IL1RAPL1: variants seen among roughly 807,000 people sequenced by gnomAD.
The protein encoded by IL1RAPL1 is interleukin-1 receptor accessory protein-like 1.
Under a neutral mutation model 48.4 loss-of-function variants are expected in IL1RAPL1, and 3 were observed. The observed-to-expected ratio is 0.06, with a 90% confidence interval of 0.03 to 0.16. The LOEUF (loss-of-function observed/expected upper bound fraction) is 0.16. Ranked by LOEUF, IL1RAPL1 falls within the 10% of genes least tolerant of loss-of-function variation. The pLI, the probability that IL1RAPL1 is intolerant of heterozygous loss-of-function variation, is 1.00. For synonymous variants in IL1RAPL1, 185 were observed against 187.7 expected, an observed-to-expected ratio of 0.99 and a Z score of 0.12; for missense variants, 349 against 530.6, an observed-to-expected ratio of 0.66 and a Z score of 3.36.
At chrX:29,657,129 T>C (rs746741185) in intron 5 of IL1RAPL1, among the ~76,000 whole-genome samples, 1 of 111,755 alleles carries the variant, frequency 8.9e-6, no homozygotes, top group East Asian at 2.8e-4. Context: ...ATGTTAACAA[T>C]AGCTTTCTGT....
chrX:28,650,530 G>A (rs903069076), intron 1 of IL1RAPL1, among the ~76,000 whole-genome samples: 2 of 111,714 alleles, frequency 1.8e-5, no homozygotes, highest in African/African-American at 3.3e-5. Flanking sequence ...CTCCGACAAC[G>A]TGGGAATTCA....
intron 5 of IL1RAPL1, among the ~76,000 whole-genome samples, chrX:29,439,359 A>G (rs1376941408): frequency 8.9e-6 from 1 of 111,741 alleles, no homozygotes; most frequent in African/African-American, 3.2e-5. Context: ...AGCTGGCAGA[A>G]ACTTGGAATA....
intron 2 of IL1RAPL1, among the ~76,000 whole-genome samples, chrX:29,032,553 G>GA (rs1226109701): frequency 2.4e-4 from 26 of 106,721 alleles, no homozygotes; most frequent in East Asian, 5.9e-4. Flanking sequence ...GTCTTTGTGA[G>GA]AAAAAAAAAA....
intron 2 of IL1RAPL1, among the ~76,000 whole-genome samples, chrX:29,220,335 T>A (rs781706808): frequency 8.9e-6 from 1 of 112,840 alleles, no homozygotes; most frequent in South Asian, 3.6e-4. Context: ...GTCTAACATA[T>A]CTAAATAGCT....
chrX:28,630,892 A>G (rs1023108812), intron 1 of IL1RAPL1, among the ~76,000 whole-genome samples: 2 of 112,125 alleles, frequency 1.8e-5, no homozygotes, highest in African/African-American at 6.5e-5. Flanking sequence ...GAAGCCAAAC[A>G]TATTCCCTTT....
intron 6 of IL1RAPL1, among the ~76,000 whole-genome samples, chrX:29,676,290 C>T (rs1276678600): frequency 1.8e-5 from 2 of 112,232 alleles, no homozygotes; most frequent in African/African-American, 6.5e-5. Context: ...GTATTTGAGA[C>T]ATTTGAATGC....
At chrX:29,284,710 A>G (rs932751418) in intron 3 of IL1RAPL1, among the ~76,000 whole-genome samples, 2 of 112,157 alleles carry the variant, frequency 1.8e-5, no homozygotes, top group African/African-American at 6.5e-5. Context: ...ACACCACTGT[A>G]CTCCAGCCTG....
intron 1 of IL1RAPL1, among the ~76,000 whole-genome samples, chrX:28,700,488 C>T (rs778731454): frequency 3.7e-5 from 4 of 109,259 alleles, no homozygotes; most frequent in South Asian, 3.9e-4. Context: ...CTCAAGATTA[C>T]GCAGCTGAGG....
At chrX:29,769,597 C>G (rs1427930780) in intron 6 of IL1RAPL1, among the ~76,000 whole-genome samples, 1 of 97,899 alleles carries the variant, frequency 1.0e-5, no homozygotes, top group Non-Finnish European at 2.0e-5. Context: ...GCGCCCGCCA[C>G]CATGCCTGGC....
chrX:29,229,695 C>T (rs184674416), intron 2 of IL1RAPL1, among the ~76,000 whole-genome samples: 228 of 112,208 alleles, frequency 2.0e-3, no homozygotes, highest in African/African-American at 6.8e-3. Context: ...GTTTATGCCT[C>T]GCATGCAATG....
rs143767726 is a variant in IL1RAPL1, at chrX:29,646,862, T to A, written c.704-21568T>A. On this transcript the variant is annotated intron_variant, in intron 5 of 10. Transcript: ENST00000378993. ...CCAAAAATACCGTACCAAGAAAAGC[T>A]GTCCTTCAGAAATGAAGGAGAGATA... 8.6e-3 allele frequency among the ~76,000 whole-genome samples: 957 copies of A among 111,445 alleles called. 8 individuals are homozygous for A. The highest frequency in any genetic ancestry group is 0.013 in the Non-Finnish European group (682 of 53,092).
intron 6 of IL1RAPL1, among the ~76,000 whole-genome samples, chrX:29,672,430 T>C (rs1926164388): frequency 9.0e-6 from 1 of 111,373 alleles, no homozygotes; most frequent in Admixed American, 9.6e-5. Context: ...AAATCACCTC[T>C]CTCTCCTCTC....
intron 6 of IL1RAPL1, among the ~76,000 whole-genome samples, chrX:29,677,215 C>T (rs1456698186): frequency 8.9e-6 from 1 of 112,037 alleles, no homozygotes; most frequent in Non-Finnish European, 1.9e-5. Context: ...ATAACTAGTG[C>T]TTCAATAAGA....
chrX:29,000,062 G>A (rs1028597967), intron 2 of IL1RAPL1, among the ~76,000 whole-genome samples: 6 of 111,216 alleles, frequency 5.4e-5, no homozygotes, highest in African/African-American at 2.0e-4. Flanking sequence ...CTACAAGATA[G>A]CAGAAATTAG....
intron 3 of IL1RAPL1, among the ~76,000 whole-genome samples, chrX:29,314,841 T>C (rs1399723655): frequency 8.9e-6 from 1 of 112,568 alleles, no homozygotes; most frequent in Non-Finnish European, 1.9e-5. Context: ...TCCACTCTTC[T>C]AAAACATTCA....
chrX:29,668,884 G>A (rs1329455728), intron 6 of IL1RAPL1, among the ~76,000 whole-genome samples: 2 of 110,751 alleles, frequency 1.8e-5, no homozygotes, highest in Non-Finnish European at 3.8e-5. Context: ...TAGGGGAAAG[G>A]GTTCAAATTT....
chrX:29,383,251 G>GA (rs1284191446), intron 3 of IL1RAPL1, among the ~76,000 whole-genome samples: 1 of 111,963 alleles, frequency 8.9e-6, no homozygotes, highest in Non-Finnish European at 1.9e-5. Context: ...AACTCTATGA[G>GA]ATTAAGTATC....
intron 8 of IL1RAPL1, among the ~76,000 whole-genome samples, chrX:29,925,445 T>TTTTTTTTTTG (rs1932881284): frequency 4.1e-5 from 1 of 24,131 alleles, no homozygotes; most frequent in African/African-American, 1.3e-4. Flanking sequence ...TTTTTTTTTT[T>TTTTTTTTTTG]GCTGGGGGGG....
At chrX:29,462,097 T>C (rs1934809606) in intron 5 of IL1RAPL1, among the ~76,000 whole-genome samples, 2 of 112,354 alleles carry the variant, frequency 1.8e-5, no homozygotes. Context: ...AGAAAGATTT[T>C]ATAATGTCTA....
Sources: gnomAD v4.1 joint callset for allele counts (sites outside exome capture counted in the v4.1 genomes callset) on GRCh38, gnomAD v4.1.1 for gene constraint, MANE v1.5 for transcripts, NCBI Gene and HGNC (gene_info 2026-07-23, HGNC 2026-07-21) for gene names.